The following DENND2A variants were observed in gnomAD, a reference collection of about 807,000 sequenced individuals.
DENND2A encodes the protein DENN domain containing 2A.
Under a neutral mutation model 105.3 loss-of-function variants are expected in DENND2A, and 53 were observed. That is an observed-to-expected ratio of 0.50 (90% CI 0.40 to 0.63). The LOEUF is 0.63. Among genes scored for constraint, DENND2A ranks in the 30% least tolerant of loss-of-function variants. The pLI, the probability that DENND2A is intolerant of heterozygous loss-of-function variation, is 0.00. For synonymous variants in DENND2A, 522 were observed against 508.4 expected (o/e 1.03, Z -0.36); for missense variants, 1,138 against 1,279.6 (o/e 0.89, Z 1.69).
At chr7:140,552,322 T>C (rs1212280958) in intron 12 of DENND2A, among the ~76,000 whole-genome samples, 1 of 151,932 alleles carries the variant, frequency 6.6e-6, no homozygotes, top group Non-Finnish European at 1.5e-5. Context: ...CTTCTTTCAT[T>C]TTCCCTTCCT....
At chr7:140,538,688 T>C (rs549222488) in intron 14 of DENND2A, among the ~76,000 whole-genome samples, 1 of 151,892 alleles carries the variant, frequency 6.6e-6, no homozygotes, top group South Asian at 2.1e-4. Context: ...GTATTTTTAA[T>C]GGAGACGGGG....
chr7:140,525,124 C>T (rs1055543282), intron 16 of DENND2A, among the ~76,000 whole-genome samples: 1 of 149,442 alleles, frequency 6.7e-6, no homozygotes, highest in African/African-American at 2.5e-5. Flanking sequence ...GAGTTTGAGA[C>T]CGGCCTGGGC....
chr7:140,623,720 G>GAAA (rs34329204), intron 1 of DENND2A, among the ~76,000 whole-genome samples: 9,581 of 121,824 alleles, frequency 0.079, 444 homozygotes, highest in Non-Finnish European at 0.11. Context: ...ACTCCGTCTA[G>GAAA]AAAAAAAAAA....
At chr7:140,586,734 C>T (rs1162067150) in intron 4 of DENND2A, among the ~76,000 whole-genome samples, 1 of 152,206 alleles carries the variant, frequency 6.6e-6, no homozygotes, top group Admixed American at 6.5e-5. Flanking sequence ...AGGAGCCCAT[C>T]TCCAGCAGCC....
At chr7:140,632,813 C>T (rs1800778226) in intron 1 of DENND2A, among the ~76,000 whole-genome samples, 1 of 151,200 alleles carries the variant, frequency 6.6e-6, no homozygotes. Context: ...ATCCGGCCCA[C>T]CTCAGCCTCC....
In DENND2A at chr7:140,602,049, C is replaced by G; in HGVS notation, c.349G>C (p.Val117Leu). The stretch of plus-strand genomic sequence containing the variant: ...CCCGGCTCTGGGTCCTGTCCCCCGA[C>G]GTTCACTGCTCCTTTATTCCTCTCC... Reference protein sequence around the residue: ...EKERNKGAVNVGGQDPEPGQD... With the variant: ...EKERNKGAVNLGGQDPEPGQD... Residue 117 changes from valine (V) to leucine (L), a missense_variant, in exon 3 of 20, where the codon GTC becomes CTC. Coordinates refer to ENST00000496613, the MANE Select transcript of DENND2A (RefSeq NM_015689.5). The G allele has an allele frequency of 1.2e-6, 2 of 1,614,210 alleles. No individual in the cohort carries two copies. The highest frequency in any genetic ancestry group is 1.7e-6 in the Non-Finnish European group (2 of 1,180,040).
At position 140,519,203 on chromosome 7, in the gene DENND2A, A is replaced by G. The variant is rs561184161; in HGVS notation, c.2998+429T>C. On this transcript the variant is annotated intron_variant, in intron 19 of 19. Coordinates refer to ENST00000496613, the MANE Select transcript of DENND2A (RefSeq NM_015689.5). ...TCCGTCCTCTTTTTTGGCTGTCTTCATTCTCCCTTTCCCTTTAAGGGCCTT... is the reference window on the plus strand; with the variant it reads ...TCCGTCCTCTTTTTTGGCTGTCTTCGTTCTCCCTTTCCCTTTAAGGGCCTT... Among the ~76,000 whole-genome samples the G allele has an allele frequency of 6.9e-4, 105 of 152,196 alleles. 1 individual carries two copies. Among genetic ancestry groups the G allele is most frequent in the Non-Finnish European group, 1.1e-3 (78 of 68,002 alleles).
chr7:140,535,979 C>T (rs958147737), intron 14 of DENND2A, among the ~76,000 whole-genome samples: 7 of 152,102 alleles, frequency 4.6e-5, no homozygotes, highest in Admixed American at 1.3e-4. Flanking sequence ...ATCAAAAGAA[C>T]GAAGGGTGTC....
At chr7:140,554,396 T>G (rs887575310) in intron 12 of DENND2A, among the ~76,000 whole-genome samples, 24 of 152,132 alleles carry the variant, frequency 1.6e-4, no homozygotes, top group African/African-American at 5.8e-4. Context: ...TCCCAGCACT[T>G]TGGGAGGCCG....
At chr7:140,543,266 G>A (rs908975194) in intron 14 of DENND2A, among the ~76,000 whole-genome samples, 12 of 149,878 alleles carry the variant, frequency 8.0e-5, no homozygotes, top group African/African-American at 2.5e-4. Flanking sequence ...CTGTAGGCTC[G>A]AGCCACCATA....
At chr7:140,629,412 T>C (rs1030919935) in intron 1 of DENND2A, among the ~76,000 whole-genome samples, 1 of 151,944 alleles carries the variant, frequency 6.6e-6, no homozygotes, top group Non-Finnish European at 1.5e-5. Flanking sequence ...AGGAGGCCAG[T>C]GCATGGAGTA....
chr7:140,624,354 C>A (rs1408260253), intron 1 of DENND2A, among the ~76,000 whole-genome samples: 1 of 119,900 alleles, frequency 8.3e-6, no homozygotes, highest in African/African-American at 3.4e-5. Context: ...AAAGGCAAAA[C>A]AACAACAACA....
chr7:140,626,075 G>A (rs114415131), intron 1 of DENND2A, among the ~76,000 whole-genome samples: 53 of 152,318 alleles, frequency 3.5e-4, no homozygotes, highest in African/African-American at 1.2e-3. Flanking sequence ...CCAAGGCTGC[G>A]TGGGTGCTGA....
intron 1 of DENND2A, among the ~76,000 whole-genome samples, chr7:140,628,541 T>C (rs1055015018): frequency 1.1e-4 from 16 of 147,298 alleles, no homozygotes; most frequent in Middle Eastern, 3.4e-3. Context: ...TCTTTCTTTT[T>C]TTTTTTTTTT....
At chr7:140,593,513 C>T (rs1179152712) in intron 3 of DENND2A, among the ~76,000 whole-genome samples, 2 of 152,186 alleles carry the variant, frequency 1.3e-5, no homozygotes, top group Admixed American at 6.5e-5. Context: ...CATGACTTCT[C>T]CATATTTTTG....
chr7:140,598,959 G>A (rs1386252568), intron 3 of DENND2A, among the ~76,000 whole-genome samples: 1 of 151,976 alleles, frequency 6.6e-6, no homozygotes, highest in Non-Finnish European at 1.5e-5. Context: ...CATATGACAT[G>A]ATGTTATATA....
chr7:140,627,313 G>T (rs1281141582), intron 1 of DENND2A, among the ~76,000 whole-genome samples: 1 of 152,082 alleles, frequency 6.6e-6, no homozygotes, highest in Non-Finnish European at 1.5e-5. Context: ...CAGAGTTCAA[G>T]CAATTCTTGT....
chr7:140,603,404 A>G (rs1211167096), intron 2 of DENND2A, among the ~76,000 whole-genome samples: 1 of 152,230 alleles, frequency 6.6e-6, no homozygotes, highest in Non-Finnish European at 1.5e-5. Context: ...AAAAACTAAA[A>G]CAACATCACA....
At chr7:140,542,342 G>A (rs1170801566) in intron 14 of DENND2A, among the ~76,000 whole-genome samples, 6 of 152,252 alleles carry the variant, frequency 3.9e-5, no homozygotes, top group South Asian at 4.2e-4. Flanking sequence ...CCACTGGGAC[G>A]GGGGTGGCCT....
Sources: gnomAD v4.1 joint callset for allele counts (sites outside exome capture counted in the v4.1 genomes callset) on GRCh38, gnomAD v4.1.1 for gene constraint, MANE v1.5 for transcripts, NCBI Gene and HGNC (gene_info 2026-07-23, HGNC 2026-07-21) for gene names.